TJP2: variants seen among roughly 807,000 people sequenced by gnomAD.
The protein encoded by TJP2 is tight junction protein 2, also known as Friedreich ataxia region gene X104 (tight junction protein ZO-2).
Under a neutral mutation model 133.1 loss-of-function variants are expected in TJP2, and 91 were observed. The observed-to-expected ratio is 0.68, with a 90% CI of 0.58 to 0.81. The LOEUF is 0.81. Among genes scored for constraint, TJP2 ranks in the 40% least tolerant of loss-of-function variants. The pLI, the probability that TJP2 is intolerant of heterozygous loss-of-function variation, is 0.00. For synonymous variants in TJP2, 592 were observed against 583.4 expected, an observed-to-expected ratio of 1.01 and a Z score of -0.21; for missense variants, 1,541 against 1,565.6, an observed-to-expected ratio of 0.98 and a Z score of 0.26.
chr9:69,151,860 A>G, intron 2 of TJP2: 2 of 1,196,412 alleles, frequency 1.7e-6, no homozygotes, highest in Non-Finnish European at 2.1e-6. Flanking sequence ...TTCTAGAGGT[A>G]GTCAGAGTTA....
intron 1 of TJP2, among the ~76,000 whole-genome samples, chr9:69,176,738 T>C (rs571947397): frequency 6.6e-6 from 1 of 152,322 alleles, no homozygotes; most frequent in Non-Finnish European, 1.5e-5. Flanking sequence ...CAGCCAACCA[T>C]TTCTCTTCAG....
At chr9:69,252,243 C>T (rs1324498092) in intron 21 of TJP2, among the ~76,000 whole-genome samples, 3 of 152,172 alleles carry the variant, frequency 2.0e-5, no homozygotes, top group African/African-American at 7.2e-5. Flanking sequence ...AATGCACCCT[C>T]CTCAGCCTCC....
intron 2 of TJP2, among the ~76,000 whole-genome samples, chr9:69,164,233 T>C (rs1824234182): frequency 6.6e-6 from 1 of 152,224 alleles, no homozygotes; most frequent in African/African-American, 2.4e-5. Flanking sequence ...GAAAATTCTT[T>C]GTGAATCTAA....
At chr9:69,122,768 G>A (rs4278214) in intron 1 of TJP2, among the ~76,000 whole-genome samples, 3,255 of 152,266 alleles carry the variant, frequency 0.021, 115 homozygotes, top group African/African-American at 0.074. Context: ...CAGTCCCAGA[G>A]GTGGGCGAGT....
At chr9:69,222,951 C>T (rs932238124) in intron 5 of TJP2, among the ~76,000 whole-genome samples, 1 of 151,946 alleles carries the variant, frequency 6.6e-6, no homozygotes, top group Non-Finnish European at 1.5e-5. Context: ...TGCCTGTAAT[C>T]CCCACTTCTC....
chr9:69,200,113 C>T (rs531000004), intron 1 of TJP2, among the ~76,000 whole-genome samples: 8 of 152,312 alleles, frequency 5.3e-5, no homozygotes, highest in East Asian at 3.9e-4. Context: ...CTGCTGAGAA[C>T]GTGAAATCCT....
At chr9:69,172,650 G>A (rs997284447), upstream of TJP2, among the ~76,000 whole-genome samples, 1 of 152,206 alleles carries the variant, frequency 6.6e-6, no homozygotes, top group South Asian at 2.1e-4. Flanking sequence ...TCATTAAGGT[G>A]TGGCCACCTT....
intron 20 of TJP2, chr9:69,249,883 C>T (rs1447157368): frequency 3.0e-6 from 1 of 329,244 alleles, no homozygotes; most frequent in Non-Finnish European, 4.3e-6. Flanking sequence ...ATAATTCTTA[C>T]TGGTGATGTG....
chr9:69,194,976 G>A (rs1826446373), intron 1 of TJP2, among the ~76,000 whole-genome samples: 1 of 152,178 alleles, frequency 6.6e-6, no homozygotes, highest in Non-Finnish European at 1.5e-5. Flanking sequence ...ATTGCTAGGT[G>A]GTACTAATGT....
intron 1 of TJP2, chr9:69,205,022 TC>T: frequency 7.0e-7 from 1 of 1,418,750 alleles, no homozygotes; most frequent in Non-Finnish European, 9.2e-7. Context: ...TATGGATGTG[TC>T]ACTGTGTGAG....
At chr9:69,204,744 T>G (rs1827263696) in intron 1 of TJP2, 1 of 846,208 alleles carries the variant, frequency 1.2e-6, no homozygotes, top group Non-Finnish European at 1.4e-6. Flanking sequence ...GGCGTGTGTG[T>G]GTGTGTATCA....
rs1166214443 is a variant in TJP2 at position 69,125,212 on chromosome 9, A to G, written c.-131+3487A>G. 6.8e-5 allele frequency among the ~76,000 whole-genome samples: 5 copies of G among 73,744 alleles called. 2 individuals are homozygous for G. Among genetic ancestry groups the G allele is most frequent in the Non-Finnish European group, 1.5e-4 (5 of 32,528 alleles). 48.4% of individuals were successfully genotyped at this position (73,744 alleles called of 152,430 possible). On this transcript the variant is annotated intron_variant, in intron 1 of 5. Coordinates refer to the TJP2 transcript ENST00000423935. ...AGGTGATCCACCCACCTCGACCTCCAAAAGTGCTAGGATTACAGGTGTGAG... is the reference window on the plus strand; with the variant it reads ...AGGTGATCCACCCACCTCGACCTCCGAAAGTGCTAGGATTACAGGTGTGAG...
intron 18 of TJP2, among the ~76,000 whole-genome samples, chr9:69,247,374 G>A (rs1221742240): frequency 6.6e-6 from 1 of 152,186 alleles, no homozygotes; most frequent in Non-Finnish European, 1.5e-5. Context: ...ATTACCTGTG[G>A]CCGCTTTTAT....
intron 1 of TJP2, among the ~76,000 whole-genome samples, chr9:69,183,380 C>G (rs749639342): frequency 1.3e-5 from 2 of 152,156 alleles, no homozygotes; most frequent in African/African-American, 4.8e-5. Flanking sequence ...TCTGACTTCT[C>G]TCACCGTGGA....
chr9:69,158,982 G>C (rs192828522), intron 2 of TJP2, among the ~76,000 whole-genome samples: 1 of 144,370 alleles, frequency 6.9e-6, no homozygotes, highest in Non-Finnish European at 1.5e-5. Flanking sequence ...AGGATTCACC[G>C]CCCCCCCCCC....
chr9:69,222,456 G>A (rs1014730894), intron 5 of TJP2, among the ~76,000 whole-genome samples: 14 of 152,092 alleles, frequency 9.2e-5, no homozygotes, highest in Middle Eastern at 3.2e-3. Context: ...GTGAGCCACC[G>A]CATCTGGCCG....
chr9:69,124,031 C>G lies in TJP2; in HGVS notation c.-131+2306C>G, dbSNP rs1822247600. Among the ~76,000 whole-genome samples the G allele has an allele frequency of 4.0e-5, 3 of 74,542 alleles. 1 individual carries two copies. Among genetic ancestry groups the G allele is most frequent in the African/African-American group, 1.2e-4 (3 of 24,280 alleles). 48.9% of individuals were successfully genotyped at this position (74,542 alleles called of 152,430 possible). A position where few individuals can be genotyped will look rare whatever the true frequency, so the allele number is the denominator to read the frequency against. The stretch of plus-strand genomic sequence containing the variant: ...TATAGGCACCCGCCACCACGCCCGG[C>G]TAATTTTTTTGAATTTTTTTTCTTT... On this transcript the variant is annotated intron_variant, in intron 1 of 5. Coordinates refer to the TJP2 transcript ENST00000423935.
Position 69,254,272 on chromosome 9 carries a change from T to C in TJP2, c.3471T>C (p.Tyr1157=), listed in dbSNP as rs1323876558. 3.0e-5 allele frequency: 48 copies of C among 1,614,132 alleles called. No individual in the cohort carries two copies. Among genetic ancestry groups the C allele is most frequent in the Non-Finnish European group, 3.8e-5 (45 of 1,180,050 alleles). The change falls in exon 23 of 23, where the codon TAT becomes TAC. Residue 1157 remains tyrosine, a synonymous_variant. Transcript: ENST00000377245. ...CTTATCAGGATACCAGAGGAAGTTA[T>C]GGCAGTGATGCCGAGGAGGAGGAGT... The part of the protein sequence containing the change: ...SRPYQDTRGS[Y]GSDAEEEEYR...
chr9:69,151,510 G>T, intron 1 of TJP2: 1 of 768,282 alleles, frequency 1.3e-6, no homozygotes, highest in Non-Finnish European at 1.8e-6. Context: ...TGTGGTGACA[G>T]TTGCATAACT....
Sources: allele counts gnomAD v4.1 joint callset (sites outside exome capture counted in the v4.1 genomes callset), GRCh38; gene constraint gnomAD v4.1.1; transcripts MANE v1.5; gene names NCBI Gene and HGNC (gene_info 2026-07-23, HGNC 2026-07-21).